The following SCN8A variants were observed in gnomAD, a reference collection of about 807,000 sequenced individuals.
SCN8A encodes sodium voltage-gated channel alpha subunit 8.
A neutral mutation model predicts 184.1 loss-of-function variants in SCN8A; 30 were observed. The ratio of observed to expected loss-of-function variants is 0.16; its 90% CI spans 0.12 to 0.22. The LOEUF (loss-of-function observed/expected upper bound fraction) is 0.22, where lower values mean the gene tolerates loss of function less well. Among genes scored for constraint, SCN8A ranks in the 10% least tolerant of loss-of-function variants. The pLI is 1.00. For synonymous variants in SCN8A, 852 were observed against 907.0 expected (o/e 0.94, Z 1.09); for missense variants, 1,057 against 2,498.9 (o/e 0.42, Z 12.30).
intron 1 of SCN8A, among the ~76,000 whole-genome samples, chr12:51,621,430 T>C (rs1939959870): frequency 6.6e-6 from 1 of 152,236 alleles, no homozygotes; most frequent in African/African-American, 2.4e-5. Flanking sequence ...TAAAGCATGC[T>C]AATTTGCATT....
chr12:51,736,572 G>A (rs1474545345), intron 12 of SCN8A, among the ~76,000 whole-genome samples: 1 of 152,204 alleles, frequency 6.6e-6, no homozygotes, highest in Non-Finnish European at 1.5e-5. Flanking sequence ...AATTGTCAAA[G>A]TGTCCAGCAT....
intron 1 of SCN8A, among the ~76,000 whole-genome samples, chr12:51,641,942 A>T (rs1170308460): frequency 1.3e-5 from 2 of 152,218 alleles, no homozygotes; most frequent in Non-Finnish European, 2.9e-5. Flanking sequence ...AACAATGCAG[A>T]TCTTTACTGC....
intron 6 of SCN8A, among the ~76,000 whole-genome samples, chr12:51,696,018 A>T (rs937955518): frequency 2.6e-5 from 4 of 152,216 alleles, no homozygotes; most frequent in African/African-American, 9.6e-5. Context: ...TACTCATGCT[A>T]AAATTGTATG....
chr12:51,751,235 A>AGC, intron 13 of SCN8A, 120 bp from the exon 14 acceptor site: 1 of 701,420 alleles, frequency 1.4e-6, no homozygotes, highest in Non-Finnish European at 2.4e-6. Context: ...TAGGAATGTC[A>AGC]GCGCTCAAAA....
intron 1 of SCN8A, among the ~76,000 whole-genome samples, chr12:51,644,415 C>G (rs1271018450): frequency 6.6e-6 from 1 of 152,122 alleles, no homozygotes; most frequent in African/African-American, 2.4e-5. Flanking sequence ...TTGGAAGCAT[C>G]AAAAGAATTA....
chr12:51,617,855 C>G (rs1939873758), intron 1 of SCN8A, among the ~76,000 whole-genome samples: 1 of 152,112 alleles, frequency 6.6e-6, no homozygotes, highest in South Asian at 2.1e-4. Flanking sequence ...TCTGTTTATT[C>G]CAGGTATGTC....
In SCN8A at chr12:51,806,790, C is replaced by T. The variant is rs201212878; in HGVS notation, c.5304C>T (p.Asn1768=). The T allele has an allele frequency of 6.8e-6, 11 of 1,614,102 alleles. No individual in the cohort carries two copies. The Admixed American group carries it at 1.0e-4, about 15-fold the overall frequency. The stretch of plus-strand genomic sequence containing the variant: ...TGTACATTGCCATCATCCTGGAGAA[C>T]TTCAGTGTAGCCACAGAGGAAAGTG... ...VNMYIAIILE[N]FSVATEESAD... Residue 1768 remains asparagine, a synonymous_variant, in exon 27 of 27, where the codon AAC becomes AAT. Transcript: ENST00000627620. The surrounding 1 kb of genome is among the most constrained non-coding windows in gnomAD (Gnocchi z 8.7).
At chr12:51,643,582 T>C (rs1940501070) in intron 1 of SCN8A, among the ~76,000 whole-genome samples, 1 of 152,202 alleles carries the variant, frequency 6.6e-6, no homozygotes, top group Non-Finnish European at 1.5e-5. Flanking sequence ...ATTCTGGAGT[T>C]GAAAGAGAGC....
At chr12:51,769,822 A>G in intron 17 of SCN8A, 46 bp from the exon 18 acceptor site, 3 of 1,241,462 alleles carry the variant, frequency 2.4e-6, no homozygotes, top group South Asian at 1.3e-5. Flanking sequence ...TGGAGTGGGC[A>G]TGTTGCCTCA....
chr12:51,740,836 G>A (rs550563825), intron 12 of SCN8A, among the ~76,000 whole-genome samples: 8 of 152,326 alleles, frequency 5.3e-5, no homozygotes, highest in Admixed American at 3.3e-4. Context: ...CCAGGTTGGA[G>A]TGGAGTGGTG....
chr12:51,764,776 C>CT (rs1197098413), intron 15 of SCN8A, among the ~76,000 whole-genome samples: 203 of 143,042 alleles, frequency 1.4e-3, no homozygotes, highest in Non-Finnish European at 1.5e-3. Context: ...AGGCTCTTTT[C>CT]TTTTTTTTTT....
At chr12:51,600,798 T>C (rs937006960) in intron 1 of SCN8A, among the ~76,000 whole-genome samples, 1 of 152,222 alleles carries the variant, frequency 6.6e-6, no homozygotes, top group Admixed American at 6.5e-5. Flanking sequence ...AGAAATTTAA[T>C]GCAATTTTTA....
chr12:51,754,038 T>G (rs1164023381), intron 14 of SCN8A, among the ~76,000 whole-genome samples: 1 of 152,170 alleles, frequency 6.6e-6, no homozygotes, highest in Non-Finnish European at 1.5e-5. Flanking sequence ...GAGAACAGTC[T>G]TCTGCAAATT....
chr12:51,752,586 T>C (rs373080297), intron 14 of SCN8A, among the ~76,000 whole-genome samples: 6 of 152,348 alleles, frequency 3.9e-5, no homozygotes, highest in African/African-American at 1.4e-4. Flanking sequence ...GATTCTGTGA[T>C]CTTTCCAGTC....
chr12:51,767,495 T>A (rs996784177), intron 16 of SCN8A, among the ~76,000 whole-genome samples: 4 of 152,210 alleles, frequency 2.6e-5, no homozygotes, highest in Non-Finnish European at 4.4e-5. Context: ...TTCATAGTAT[T>A]TCTGTGGATA....
In SCN8A at chr12:51,806,638, C is replaced by A; in HGVS notation, c.5152C>A (p.Pro1718Thr). ...DGLLLPILNRPPDCSLDKEHP... is the reference protein window; with the variant it reads ...DGLLLPILNRTPDCSLDKEHP... ...CCTGCTGCTGCCCATCCTAAACCGC[C>A]CCCCTGACTGCAGCCTAGATAAGGA... Residue 1718 changes from proline to threonine, a missense_variant, in exon 27 of 27, where the codon CCC becomes ACC. This residue lies in a region of SCN8A where 21 missense variants were observed against 42.3 expected (regional missense o/e 0.50). Transcript: ENST00000627620. The surrounding 1 kb of genome is among the most constrained non-coding windows in gnomAD (Gnocchi z 8.7). 6.2e-7 allele frequency: 1 copy of A among 1,614,158 alleles called. No homozygotes were observed. The highest frequency in any genetic ancestry group is 8.5e-7 in the Non-Finnish European group (1 of 1,180,008).
In SCN8A at chr12:51,786,796, T is replaced by C. The variant is rs1938099994; in HGVS notation, c.4197T>C (p.Val1399=). The change falls in exon 22 of 27, where the codon GTT becomes GTC. Residue 1399 remains valine, a synonymous_variant. Transcript: ENST00000627620. ...ACGTGAAGATCAACTTTGACAATGT[T>C]GGGGCAGGATACCTGGCCCTTCTTC... The part of the protein sequence containing the change: ...WKNVKINFDN[V]GAGYLALLQV... The C allele has an allele frequency of 1.2e-6, 2 of 1,613,768 alleles. No individual in the cohort carries two copies. Among genetic ancestry groups the C allele is most frequent in the African/African-American group, 1.3e-5 (1 of 74,940 alleles).
chr12:51,664,193 T>C lies in SCN8A; in HGVS notation c.276+1100T>C, dbSNP rs375339768. On this transcript the variant is annotated intron_variant, in intron 2 of 26. Coordinates refer to ENST00000627620, the MANE Select transcript of SCN8A (RefSeq NM_001330260.2). ...TAAGAAATCCTGATTCTACCATAAT[T>C]TACCATGTTTATTATTTACTTTTTT... is the stretch of plus-strand genomic sequence containing the variant. 1.1e-4 allele frequency among the ~76,000 whole-genome samples: 16 copies of C among 151,894 alleles called. No individual in the cohort carries two copies. The East Asian group carries it at 2.5e-3, about 24-fold the overall frequency.
chr12:51,630,378 A>T (rs1940172875), intron 1 of SCN8A, among the ~76,000 whole-genome samples: 1 of 152,116 alleles, frequency 6.6e-6, no homozygotes, highest in South Asian at 2.1e-4. Context: ...GTCTTTCTTC[A>T]ACTGGCGTAT....
Sources: gnomAD v4.1 joint callset for allele counts (sites outside exome capture counted in the v4.1 genomes callset) on GRCh38, gnomAD v4.1.1 for gene constraint, gnomAD v4.1.1 regional missense constraint, Gnocchi (gnomAD v3.1) non-coding constraint, MANE v1.5 for transcripts, NCBI Gene and HGNC (gene_info 2026-07-23, HGNC 2026-07-21) for gene names.